The following PSMD14 variants were observed in gnomAD, a reference collection of about 807,000 sequenced individuals.
PSMD14 encodes the protein ubiquitin C-terminal hydrolase PSMD14.
Under a neutral mutation model 41.2 loss-of-function variants are expected in PSMD14, and 7 were observed. That is an observed-to-expected ratio of 0.17 (90% CI 0.10 to 0.32). The LOEUF is 0.32. Among genes scored for constraint, PSMD14 ranks in the 10% least tolerant of loss-of-function variants. The pLI is 1.00. For synonymous variants in PSMD14, 114 were observed against 122.3 expected, an observed-to-expected ratio of 0.93 and a Z score of 0.45; for missense variants, 139 against 375.6, an observed-to-expected ratio of 0.37 and a Z score of 5.21.
chr2:161,383,486 C>G (rs934247825), intron 7 of PSMD14: 3 of 151,578 alleles, frequency 2.0e-5, no homozygotes, highest in African/African-American at 7.3e-5. Context: ...ATCTACTGAA[C>G]TAGTATTTTC....
intron 3 of PSMD14, among the ~76,000 whole-genome samples, chr2:161,321,959 A>T (rs1424340635): frequency 1.3e-5 from 2 of 152,146 alleles, no homozygotes; most frequent in Non-Finnish European, 2.9e-5. Context: ...TGATTAAATC[A>T]TTGGGTGATC....
intron 3 of PSMD14, among the ~76,000 whole-genome samples, chr2:161,321,267 G>A (rs1384008321): frequency 6.6e-6 from 1 of 152,186 alleles, no homozygotes; most frequent in Middle Eastern, 3.2e-3. Context: ...GCAGTAGACA[G>A]GAGCAGAACA....
At chr2:161,351,760 C>T (rs982922649) in intron 3 of PSMD14, among the ~76,000 whole-genome samples, 13 of 152,160 alleles carry the variant, frequency 8.5e-5, no homozygotes, top group African/African-American at 2.7e-4. Context: ...GGTATCATTA[C>T]TGTGGGACTC....
Position 161,367,463 on chromosome 2 carries a change from T to G in PSMD14, c.49-15T>G. On this transcript the variant is annotated splice_polypyrimidine_tract_variant and intron_variant, in intron 3 of 11. Transcript: ENST00000409682. Reference sequence around the variant, plus strand: ...CTGTGTTTGTTTTAATAATAATTGATGTATTTGTTTCTAGGGGCCACCTAC... The same window carrying G: ...CTGTGTTTGTTTTAATAATAATTGAGGTATTTGTTTCTAGGGGCCACCTAC... 6.4e-7 allele frequency: 1 copy of G among 1,560,214 alleles called. No individual in the cohort carries two copies. Among genetic ancestry groups the G allele is most frequent in the Non-Finnish European group, 8.7e-7 (1 of 1,145,624 alleles).
chr2:161,395,891 C>T (rs1055710573), intron 10 of PSMD14, among the ~76,000 whole-genome samples: 1 of 152,126 alleles, frequency 6.6e-6, no homozygotes, highest in African/African-American at 2.4e-5. Flanking sequence ...TCAGTCTGTA[C>T]CATAACACCT....
chr2:161,411,375 T>A lies in PSMD14; in HGVS notation c.908T>A (p.Met303Lys). Residue 303 changes from methionine to lysine, a missense_variant, in exon 12 of 12, where the codon ATG (methionine) becomes AAG (lysine). Physicochemically the swap from Met to Lys is moderately conservative, Grantham distance 95. Coordinates refer to ENST00000409682, the MANE Select transcript of PSMD14 (RefSeq NM_005805.6). Reference protein sequence around the residue: ...TSNIVQCLAAMLDTVVFK With the variant: ...TSNIVQCLAAKLDTVVFK ...AATATTGTCCAGTGTTTAGCAGCTA[T>A]GTTGGATACTGTCGTATTTAAATAA... 1 of 1,608,536 alleles carries A rather than the reference T, an allele frequency of 6.2e-7. No individual in the cohort carries two copies. The highest frequency in any genetic ancestry group is 8.5e-7 in the Non-Finnish European group (1 of 1,176,598).
intron 3 of PSMD14, among the ~76,000 whole-genome samples, chr2:161,349,743 G>C (rs1488910631): frequency 6.6e-6 from 1 of 152,200 alleles, no homozygotes; most frequent in African/African-American, 2.4e-5. Context: ...GTGCTCCTCA[G>C]AGGAGGGAGG....
intron 7 of PSMD14, among the ~76,000 whole-genome samples, chr2:161,372,272 T>C (rs966657022): frequency 1.6e-4 from 24 of 152,268 alleles, no homozygotes; most frequent in African/African-American, 5.5e-4. Context: ...TTTATGCAGG[T>C]TTTACAAATA....
At chr2:161,389,896 T>TTTTTTTTG (rs1683688601) in intron 8 of PSMD14, among the ~76,000 whole-genome samples, 2 of 105,558 alleles carry the variant, frequency 1.9e-5, no homozygotes, top group Non-Finnish European at 3.9e-5. Flanking sequence ...GTTGTTTTTT[T>TTTTTTTTG]TTTTTTTTTT....
intron 3 of PSMD14, among the ~76,000 whole-genome samples, chr2:161,358,729 G>T (rs978607823): frequency 6.6e-6 from 1 of 152,174 alleles, no homozygotes; most frequent in Non-Finnish European, 1.5e-5. Context: ...TGGATCATGA[G>T]ATCAGGAGTT....
intron 3 of PSMD14, among the ~76,000 whole-genome samples, chr2:161,320,079 T>C (rs1689186666): frequency 6.6e-6 from 1 of 152,198 alleles, no homozygotes; most frequent in African/African-American, 2.4e-5. Context: ...GTAAACATTC[T>C]AGAGAGCTTC....
chr2:161,313,033 T>G (rs561960808), intron 1 of PSMD14, among the ~76,000 whole-genome samples: 146 of 152,328 alleles, frequency 9.6e-4, no homozygotes, highest in South Asian at 1.2e-3. Context: ...ATGTTTTTTT[T>G]TGTGTCCATT....
chr2:161,354,048 A>G (rs1574127142), intron 3 of PSMD14, among the ~76,000 whole-genome samples: 1 of 152,374 alleles, frequency 6.6e-6, no homozygotes, highest in South Asian at 2.1e-4. Context: ...GGCCACTGGC[A>G]CTATAAGAAC....
intron 3 of PSMD14, among the ~76,000 whole-genome samples, chr2:161,325,440 ATGT>A (rs1341308594): frequency 6.6e-6 from 1 of 152,192 alleles, no homozygotes; most frequent in African/African-American, 2.4e-5. Flanking sequence ...TGGGACAGAA[ATGT>A]TGTTTCAATT....
rs576480980 is a variant in PSMD14, at chr2:161,313,469, C to T, written c.-137-2968C>T. 5.9e-5 allele frequency among the ~76,000 whole-genome samples: 9 copies of T among 152,300 alleles called. 1 individual carries two copies. In the South Asian group the frequency reaches 8.3e-4, roughly 14 times the overall value. On this transcript the variant is annotated intron_variant, in intron 1 of 11. Coordinates refer to ENST00000409682, the MANE Select transcript of PSMD14 (RefSeq NM_005805.6). ...GGTTCAAGTGGTCCTCCTACCTCAG[C>T]CTCCCCAGTAGCTGGGATTACAGGC...
chr2:161,333,592 G>A (rs765332708), intron 3 of PSMD14, among the ~76,000 whole-genome samples: 2 of 152,248 alleles, frequency 1.3e-5, no homozygotes, highest in African/African-American at 4.8e-5. Flanking sequence ...TGAGAATGCA[G>A]TGTAAATGTT....
chr2:161,387,696 C>T (rs191838417), intron 8 of PSMD14, among the ~76,000 whole-genome samples: 4 of 151,974 alleles, frequency 2.6e-5, no homozygotes, highest in South Asian at 2.1e-4. Context: ...ATATTTATAC[C>T]AGGATATTAG....
At chr2:161,359,160 T>TG (rs1221223167) in intron 3 of PSMD14, among the ~76,000 whole-genome samples, 3 of 152,054 alleles carry the variant, frequency 2.0e-5, no homozygotes, top group Non-Finnish European at 2.9e-5. Flanking sequence ...TTTGTGGAGA[T>TG]GCGGTCTTAC....
At position 161,391,140 on chromosome 2, in the gene PSMD14, A is replaced by G. The variant is rs374315217; in HGVS notation, c.607A>G (p.Ile203Val). 3.2e-5 allele frequency: 49 copies of G among 1,541,318 alleles called. No individual in the cohort carries two copies. The highest frequency in any genetic ancestry group is 4.1e-5 in the Non-Finnish European group (47 of 1,141,966). Reference protein sequence around the residue: ...IHGLNRHYYSITINYRKNELE... With the variant: ...IHGLNRHYYSVTINYRKNELE... The stretch of plus-strand genomic sequence containing the variant: ...TGGACTAAACAGACATTATTACTCC[A>G]TTACTATTAACTATCGGAAAAATGA... The change falls in exon 9 of 12, where the codon ATT becomes GTT. Residue 203 changes from isoleucine to valine, a missense_variant. Physicochemically the swap from Ile to Val is conservative, Grantham distance 29. Around this residue, in one of 4 missense-constraint regions of PSMD14, gnomAD observed 80 missense variants for 138.1 expected, o/e 0.58. Transcript: ENST00000409682.
Sources: allele counts gnomAD v4.1 joint callset (sites outside exome capture counted in the v4.1 genomes callset), GRCh38; gene constraint gnomAD v4.1.1; regional missense constraint gnomAD v4.1.1; transcripts MANE v1.5; gene names NCBI Gene and HGNC (gene_info 2026-07-23, HGNC 2026-07-21).